PDZRN4: variants seen among roughly 807,000 people sequenced by gnomAD.
The protein encoded by PDZRN4 is PDZ domain containing ring finger 4, also known as PDZ domain-containing RING finger protein 4.
PDZRN4 carries 70 observed loss-of-function variants against 99.0 expected under a neutral mutation model. That is an observed-to-expected ratio of 0.71 (90% CI 0.58 to 0.86). The LOEUF (loss-of-function observed/expected upper bound fraction) is 0.86. PDZRN4 is among the 40% of genes least tolerant of loss of function. The pLI is 0.00. For synonymous variants in PDZRN4, 551 were observed against 501.6 expected, an observed-to-expected ratio of 1.10 and a Z score of -1.32; for missense variants, 1,474 against 1,331.2, an observed-to-expected ratio of 1.11 and a Z score of -1.67.
intron 3 of PDZRN4, among the ~76,000 whole-genome samples, chr12:41,475,227 A>G (rs1218467187): frequency 6.6e-6 from 1 of 152,196 alleles, no homozygotes; most frequent in Non-Finnish European, 1.5e-5. Context: ...ATAGTTAATA[A>G]TAGCCATGCT....
chr12:41,519,267 C>T (rs913603325), intron 5 of PDZRN4, among the ~76,000 whole-genome samples: 1 of 152,026 alleles, frequency 6.6e-6, no homozygotes, highest in African/African-American at 2.4e-5. Flanking sequence ...CTGCACAATT[C>T]TAAGAGTTAC....
chr12:41,515,808 A>G (rs890344907), intron 5 of PDZRN4, among the ~76,000 whole-genome samples: 2 of 151,668 alleles, frequency 1.3e-5, no homozygotes, highest in Non-Finnish European at 2.9e-5. Flanking sequence ...CCTATTCACC[A>G]CTGCCAGATC....
rs563825086 is a variant in PDZRN4 at position 41,358,932 on chromosome 12, C to A, written c.844-147524C>A. 3.0e-4 allele frequency among the ~76,000 whole-genome samples: 45 copies of A among 151,972 alleles called. 1 individual carries two copies. In the South Asian group the frequency reaches 9.1e-3, roughly 31 times the overall value. On this transcript the variant is annotated intron_variant, in intron 3 of 9. Transcript: ENST00000402685. ...TACTAACATTTCTGAAACAATTGGC[C>A]TTTACTTATTAAATTTATTTAAATT...
intron 4 of PDZRN4, among the ~76,000 whole-genome samples, chr12:41,507,230 A>T (rs1938223607): frequency 6.6e-6 from 1 of 152,166 alleles, no homozygotes; most frequent in Non-Finnish European, 1.5e-5. Flanking sequence ...TGAGATATAA[A>T]CAAAGGATCT....
At chr12:41,349,997 C>G (rs12315067) in intron 3 of PDZRN4, among the ~76,000 whole-genome samples, 58,551 of 151,738 alleles carry the variant, frequency 0.39, 11,386 homozygotes, top group African/African-American at 0.41. Flanking sequence ...AAAATGAATA[C>G]TTTAGATTTT....
intron 3 of PDZRN4, among the ~76,000 whole-genome samples, chr12:41,458,848 A>AC (rs1952843330): frequency 6.6e-6 from 1 of 152,188 alleles, no homozygotes; most frequent in African/African-American, 2.4e-5. Flanking sequence ...CCAGAGCAGC[A>AC]CAGTTTGGTG....
At chr12:41,445,473 A>C (rs1449231471) in intron 3 of PDZRN4, among the ~76,000 whole-genome samples, 3 of 152,112 alleles carry the variant, frequency 2.0e-5, no homozygotes, top group African/African-American at 7.2e-5. Flanking sequence ...ATCCTCCCAC[A>C]ACAGTCAATC....
At chr12:41,504,951 T>C (rs1448014348) in intron 3 of PDZRN4, among the ~76,000 whole-genome samples, 2 of 152,182 alleles carry the variant, frequency 1.3e-5, no homozygotes, top group South Asian at 2.1e-4. Flanking sequence ...TGCTCATTTT[T>C]TGAAGGCACA....
At chr12:41,502,581 T>C (rs1019708674) in intron 3 of PDZRN4, among the ~76,000 whole-genome samples, 2 of 152,288 alleles carry the variant, frequency 1.3e-5, no homozygotes, top group East Asian at 3.9e-4. Context: ...TGTATTCCTC[T>C]AGCAAAAGAT....
chr12:41,481,190 C>T (rs139236307), intron 3 of PDZRN4, among the ~76,000 whole-genome samples: 1 of 151,976 alleles, frequency 6.6e-6, no homozygotes, highest in Admixed American at 6.6e-5. Flanking sequence ...TTTGTACCAA[C>T]CTATCAGTGA....
intron 5 of PDZRN4, among the ~76,000 whole-genome samples, chr12:41,510,404 T>A (rs573217759): frequency 1.3e-5 from 2 of 152,286 alleles, no homozygotes; most frequent in African/African-American, 4.8e-5. Flanking sequence ...GATGGCCTCA[T>A]GCCCTTTGTT....
At chr12:41,326,182 T>G (rs1450622346) in intron 3 of PDZRN4, among the ~76,000 whole-genome samples, 1 of 151,932 alleles carries the variant, frequency 6.6e-6, no homozygotes. Flanking sequence ...TTCACCACAT[T>G]GCCCAGGGTG....
At chr12:41,401,808 T>C (rs1952290639) in intron 3 of PDZRN4, among the ~76,000 whole-genome samples, 1 of 151,848 alleles carries the variant, frequency 6.6e-6, no homozygotes. Flanking sequence ...GTCCCCAGTC[T>C]CCATCTTTAA....
intron 3 of PDZRN4, among the ~76,000 whole-genome samples, chr12:41,344,361 G>C (rs1405557): frequency 0.38 from 56,970 of 151,750 alleles, 10,759 homozygotes; most frequent in Non-Finnish European, 0.39. Context: ...ATATCGAATG[G>C]CATAGTGAAC....
chr12:41,307,605 G>T (rs1027134378), intron 3 of PDZRN4, among the ~76,000 whole-genome samples: 5 of 68,416 alleles, frequency 7.3e-5, no homozygotes, highest in Non-Finnish European at 1.5e-4. Context: ...ACTTTGGAGA[G>T]CCAGATTTTT....
intron 3 of PDZRN4, among the ~76,000 whole-genome samples, chr12:41,253,984 G>A (rs978983585): frequency 1.3e-5 from 2 of 151,618 alleles, no homozygotes; most frequent in Admixed American, 1.3e-4. Flanking sequence ...AGGCCAGGAA[G>A]GGAAGAGGGA....
At chr12:41,467,523 A>G (rs2120555681) in intron 3 of PDZRN4, among the ~76,000 whole-genome samples, 1 of 152,294 alleles carries the variant, frequency 6.6e-6, no homozygotes, top group Admixed American at 6.5e-5. Flanking sequence ...GTCAAGTTGA[A>G]TGTGAGGGAA....
chr12:41,363,337 T>G (rs1005152562), intron 3 of PDZRN4, among the ~76,000 whole-genome samples: 24 of 152,164 alleles, frequency 1.6e-4, no homozygotes, highest in African/African-American at 5.3e-4. Flanking sequence ...AAGAACATAT[T>G]TGAAAAAATA....
chr12:41,560,541 C>T (rs1939251600), intron 7 of PDZRN4, among the ~76,000 whole-genome samples: 1 of 152,130 alleles, frequency 6.6e-6, no homozygotes, highest in African/African-American at 2.4e-5. Context: ...AACTTACCTG[C>T]TGTCTTTCTC....
Sources: allele counts gnomAD v4.1 joint callset (sites outside exome capture counted in the v4.1 genomes callset), GRCh38; gene constraint gnomAD v4.1.1; transcripts MANE v1.5; gene names NCBI Gene and HGNC (gene_info 2026-07-23, HGNC 2026-07-21).